The following IFT57 variants were observed in gnomAD, a reference collection of about 807,000 sequenced individuals.
The protein encoded by IFT57 is intraflagellar transport 57, also known as intraflagellar transport protein 57 homolog.
In IFT57, 59 loss-of-function variants were observed where a neutral mutation model predicts 56.8. That is an observed-to-expected ratio of 1.04 (90% confidence interval 0.84 to 1.29). The LOEUF is 1.29. Among genes scored for constraint, IFT57 ranks in the 50% most tolerant of loss-of-function variants. The pLI is 0.00. For synonymous variants in IFT57, 209 were observed against 186.1 expected (o/e 1.12, Z -1.00); for missense variants, 470 against 522.1 (o/e 0.90, Z 0.97).
At position 108,222,206 on chromosome 3, in the gene IFT57, G is replaced by A; in HGVS notation, c.117C>T (p.His39=). 6.2e-7 allele frequency: 1 copy of A among 1,614,118 alleles called. No individual in the cohort carries two copies. Among genetic ancestry groups the A allele is most frequent in the Non-Finnish European group, 8.5e-7 (1 of 1,180,014 alleles). Residue 39 remains histidine (H), a synonymous_variant, in exon 1 of 11, where the codon CAC becomes CAT. Transcript: ENST00000264538. ...CCAAGTCCTCCATCACCACGAACAT[G>A]TGGTAGGCCGCGCCGGGCCCCCGCT... ...VLERGPGAAY[H]MFVVMEDLVE...
intron 3 of IFT57, among the ~76,000 whole-genome samples, chr3:108,214,618 T>C (rs959495041): frequency 2.0e-5 from 3 of 152,180 alleles, no homozygotes; most frequent in African/African-American, 2.4e-5. Flanking sequence ...CAATATGATA[T>C]ATAATACAAA....
At chr3:108,198,403 A>T (rs1266049188) in intron 5 of IFT57, among the ~76,000 whole-genome samples, 3 of 152,060 alleles carry the variant, frequency 2.0e-5, no homozygotes, top group Non-Finnish European at 2.9e-5. Flanking sequence ...AAACTATAAC[A>T]CTTGTCACTC....
chr3:108,180,838 T>A (rs747489787), intron 6 of IFT57, among the ~76,000 whole-genome samples: 2 of 152,082 alleles, frequency 1.3e-5, no homozygotes, highest in Non-Finnish European at 2.9e-5. Context: ...TAAGTAATTT[T>A]AAAAAACAAA....
At chr3:108,221,149 A>C (rs1486379800) in intron 1 of IFT57, among the ~76,000 whole-genome samples, 1 of 152,180 alleles carries the variant, frequency 6.6e-6, no homozygotes, top group African/African-American at 2.4e-5. Flanking sequence ...TCAAGCCTAC[A>C]TATCTTTCAA....
intron 7 of IFT57, 138 bp downstream of exon 7, chr3:108,167,655 G>C (rs1577046559): frequency 1.0e-5 from 4 of 384,134 alleles, no homozygotes; most frequent in African/African-American, 8.3e-5. Context: ...AAGGTCAGTT[G>C]AAATGTAACA....
At position 108,201,372 on chromosome 3, in the gene IFT57, T is replaced by C. The variant is rs1410472986; in HGVS notation, c.654+5256A>G. Reference sequence around the variant, plus strand: ...CTTTTACACCCAGCAAGAAGTGCCATTTGAGCCTCCACTGAGCAGTGAGAA... The same window carrying C: ...CTTTTACACCCAGCAAGAAGTGCCACTTGAGCCTCCACTGAGCAGTGAGAA... On this transcript the variant is annotated intron_variant, in intron 5 of 10. Transcript: ENST00000264538. Among the ~76,000 whole-genome samples, 3 of 152,202 alleles carry C rather than the reference T, an allele frequency of 2.0e-5. No homozygotes were observed. In the East Asian group the frequency reaches 5.8e-4, roughly 29 times the overall value.
chr3:108,222,003 C>A, intron 1 of IFT57, 108 bp downstream of exon 1: 1 of 1,499,522 alleles, frequency 6.7e-7, no homozygotes, highest in Admixed American at 2.2e-5. Flanking sequence ...AAGACGGAGG[C>A]AAGGAATTGC....
At chr3:108,207,763 G>T (rs1449613335) in intron 4 of IFT57, among the ~76,000 whole-genome samples, 1 of 152,132 alleles carries the variant, frequency 6.6e-6, no homozygotes, top group African/African-American at 2.4e-5. Context: ...ATGGGGGTTG[G>T]CCGGGCGCGA....
intron 10 of IFT57, 125 bp from the exon 11 acceptor site, chr3:108,162,780 T>G: frequency 1.5e-6 from 1 of 684,492 alleles, no homozygotes; most frequent in Non-Finnish European, 2.2e-6. Flanking sequence ...AGCCAAAAAC[T>G]TACTGACATT....
intron 6 of IFT57, among the ~76,000 whole-genome samples, chr3:108,181,116 C>T (rs532930920): frequency 1.2e-4 from 18 of 152,086 alleles, no homozygotes; most frequent in African/African-American, 3.6e-4. Context: ...TTGTGATAAA[C>T]GGAACCTTTC....
Position 108,205,429 on chromosome 3 carries a change from T to A in IFT57, c.654+1199A>T, listed in dbSNP as rs1576046254. On this transcript the variant is annotated intron_variant, in intron 5 of 10. Coordinates refer to ENST00000264538, the MANE Select transcript of IFT57 (RefSeq NM_018010.4). ...AAGTTGACCACAACGTTATATTACA[T>A]CTCAAGTTGGGCAGAAAACACAGAC... Among the ~76,000 whole-genome samples, 8 of 152,042 alleles carry A rather than the reference T, an allele frequency of 5.3e-5. 2 individuals carry two copies. The highest frequency in any genetic ancestry group is 5.2e-4 in the Admixed American group (8 of 15,278).
At chr3:108,190,871 C>A (rs1347353806) in intron 6 of IFT57, among the ~76,000 whole-genome samples, 2 of 152,188 alleles carry the variant, frequency 1.3e-5, no homozygotes, top group African/African-American at 2.4e-5. Flanking sequence ...TGGCTCACTG[C>A]AACCTCTGCC....
At chr3:108,202,857 T>C (rs1435849588) in intron 5 of IFT57, among the ~76,000 whole-genome samples, 2 of 152,220 alleles carry the variant, frequency 1.3e-5, no homozygotes, top group Non-Finnish European at 2.9e-5. Context: ...TAAGCATTCA[T>C]CATCAGTAGG....
At chr3:108,193,207 G>A (rs1361219248) in intron 5 of IFT57, among the ~76,000 whole-genome samples, 1 of 152,170 alleles carries the variant, frequency 6.6e-6, no homozygotes, top group East Asian at 1.9e-4. Flanking sequence ...CTAATCAGAA[G>A]ATTAATCTTA....
chr3:108,214,890 TTAGA>T (rs1388808670), intron 3 of IFT57, among the ~76,000 whole-genome samples: 3 of 152,198 alleles, frequency 2.0e-5, no homozygotes, highest in African/African-American at 2.4e-5. Context: ...ATAGTTCTTC[TTAGA>T]TAGAGTTGGT....
Position 108,166,768 on chromosome 3 carries a change from T to C in IFT57, c.981+86A>G, listed in dbSNP as rs890202678. The C allele has an allele frequency of 6.1e-5, 69 of 1,122,974 alleles. No individual in the cohort carries two copies. In the African/African-American group the frequency reaches 1.0e-3, roughly 16 times the overall value. 69.6% of individuals were successfully genotyped at this position (1,122,974 alleles called of 1,614,324 possible). A position where few individuals can be genotyped will look rare whatever the true frequency, so the allele number is the denominator to read the frequency against. ...TTTGCTGTTCATGAAAAGCATTTCA[T>C]GATTCTCAAATGAACAGTATTGTGT... On this transcript the variant is annotated intron_variant, in intron 8 of 10. Coordinates refer to ENST00000264538, the MANE Select transcript of IFT57 (RefSeq NM_018010.4).
At chr3:108,186,492 A>G (rs13433942) in intron 6 of IFT57, among the ~76,000 whole-genome samples, 14,628 of 152,200 alleles carry the variant, frequency 0.096, 761 homozygotes, top group Middle Eastern at 0.12. Flanking sequence ...AAGTAGTACC[A>G]GAAAACAAAT....
chr3:108,210,114 CA>C, intron 4 of IFT57, among the ~76,000 whole-genome samples: 1 of 152,140 alleles, frequency 6.6e-6, no homozygotes, highest in Admixed American at 6.5e-5. Flanking sequence ...AGAAGGCACT[CA>C]AAAATTTCCT....
chr3:108,184,698 C>T (rs538595358), intron 6 of IFT57, among the ~76,000 whole-genome samples: 6 of 152,126 alleles, frequency 3.9e-5, no homozygotes, highest in Admixed American at 3.9e-4. Flanking sequence ...TTGTAGCCAC[C>T]TCTTATTATT....
Sources: gnomAD v4.1 joint callset for allele counts (sites outside exome capture counted in the v4.1 genomes callset) on GRCh38, gnomAD v4.1.1 for gene constraint, MANE v1.5 for transcripts, NCBI Gene and HGNC (gene_info 2026-07-23, HGNC 2026-07-21) for gene names.